The following PTGIS variants were observed in gnomAD, a reference collection of about 807,000 sequenced individuals.
PTGIS encodes prostacyclin synthase.
PTGIS carries 45 observed loss-of-function variants against 50.3 expected under a neutral mutation model. That is an observed-to-expected ratio of 0.90 (90% CI 0.70 to 1.15). The LOEUF is 1.15. Among genes scored for constraint, PTGIS ranks in the 50% most tolerant of loss-of-function variants. The probability of loss-of-function intolerance (pLI) is 0.00; values close to 1 mark genes in which losing one functional copy is unlikely to be tolerated. For synonymous variants in PTGIS, 260 were observed against 267.7 expected (o/e 0.97, Z 0.28); for missense variants, 668 against 661.3 (o/e 1.01, Z -0.11).
intron 6 of PTGIS, among the ~76,000 whole-genome samples, chr20:49,521,411 G>A (rs1163702332): frequency 2.0e-5 from 3 of 152,140 alleles, no homozygotes; most frequent in African/African-American, 7.2e-5. Context: ...CGCTGTCAAC[G>A]ACTCAACCTC....
intron 1 of PTGIS, among the ~76,000 whole-genome samples, chr20:49,561,946 C>G (rs187969444): frequency 3.9e-5 from 6 of 152,112 alleles, no homozygotes; most frequent in African/African-American, 1.4e-4. Flanking sequence ...ATTTAATGAA[C>G]GCTGATGGTG....
At chr20:49,509,749 T>C (rs1981257627) in intron 9 of PTGIS, among the ~76,000 whole-genome samples, 1 of 152,096 alleles carries the variant, frequency 6.6e-6, no homozygotes, top group East Asian at 1.9e-4. Flanking sequence ...TGTATAAAAC[T>C]TTACTACCAT....
At chr20:49,547,802 A>G (rs754504969) in intron 3 of PTGIS, 39 bp downstream of exon 3, 1 of 1,609,646 alleles carries the variant, frequency 6.2e-7, no homozygotes, top group Non-Finnish European at 8.5e-7. Context: ...TGAGTCGCCC[A>G]CCCTGGCCCT....
At chr20:49,562,268 A>T (rs1310436803) in intron 1 of PTGIS, among the ~76,000 whole-genome samples, 1 of 152,172 alleles carries the variant, frequency 6.6e-6, no homozygotes, top group Admixed American at 6.5e-5. Flanking sequence ...CTCCTAAAAC[A>T]TCTTTGCAGG....
chr20:49,557,199 G>A lies in PTGIS; in HGVS notation c.75-7010C>T, dbSNP rs1413238320. Among the ~76,000 whole-genome samples the A allele has an allele frequency of 4.6e-5, 7 of 152,080 alleles. No individual in the cohort carries two copies. The East Asian group carries it at 5.8e-4, about 13-fold the overall frequency. ...TTTCCTAACAATGTGGGACCTATTC[G>A]TCTAGAAATAAACCATCCTAGACAT... is the stretch of plus-strand genomic sequence containing the variant. On this transcript the variant is annotated intron_variant, in intron 1 of 9. Transcript: ENST00000244043.
intron 1 of PTGIS, among the ~76,000 whole-genome samples, chr20:49,565,909 C>T (rs1019897766): frequency 1.3e-5 from 2 of 152,178 alleles, no homozygotes; most frequent in African/African-American, 2.4e-5. Context: ...CCACTGTTGA[C>T]CCTTCCAAGG....
intron 5 of PTGIS, among the ~76,000 whole-genome samples, chr20:49,525,596 T>TA (rs772604371): frequency 2.6e-5 from 4 of 151,154 alleles, no homozygotes; most frequent in African/African-American, 9.7e-5. Context: ...TTTTTTTTTT[T>TA]AAAATATTTT....
chr20:49,520,094 C>A (rs1371661598), intron 6 of PTGIS, among the ~76,000 whole-genome samples: 1 of 152,214 alleles, frequency 6.6e-6, no homozygotes, highest in Non-Finnish European at 1.5e-5. Context: ...AGCCAAAGCC[C>A]TCCCCATGGC....
intron 1 of PTGIS, among the ~76,000 whole-genome samples, chr20:49,550,607 A>G (rs564176969): frequency 6.6e-6 from 1 of 152,262 alleles, no homozygotes; most frequent in South Asian, 2.1e-4. Flanking sequence ...CCTTTGACAA[A>G]TCTCCTGTTG....
In PTGIS at chr20:49,513,148, C is replaced by T; in HGVS notation, c.1138G>A (p.Gly380Ser). 6.2e-7 allele frequency: 1 copy of T among 1,614,114 alleles called. No homozygotes were observed. Among genetic ancestry groups the T allele is most frequent in the South Asian group, 1.1e-5 (1 of 91,078 alleles). The change falls in exon 8 of 10, where the codon GGT (glycine) becomes AGT (serine). Residue 380 changes from glycine (G) to serine (S), a missense_variant. Physicochemically the swap from Gly to Ser is moderately conservative, Grantham distance 56. Coordinates refer to ENST00000244043, the MANE Select transcript of PTGIS (RefSeq NM_000961.4). Reference protein sequence around the residue: ...ADGREFNLRRGDRLLLFPFLS... With the variant: ...ADGREFNLRRSDRLLLFPFLS... ...AAGGGGAAGAGGAGGAGGCGGTCAC[C>T]ACGTCGCAGGTTGAATTCTCGCCCG...
In PTGIS at chr20:49,531,022, G is replaced by A. The variant is rs147125054; in HGVS notation, c.674-6783C>T. On this transcript the variant is annotated intron_variant, in intron 5 of 9. Coordinates refer to ENST00000244043, the MANE Select transcript of PTGIS (RefSeq NM_000961.4). ...GATCTGCCCAACTCGGCCTCCCAAA[G>A]TGTTGGGATTACAGGTGTGAGCCAC... Among the ~76,000 whole-genome samples the A allele has an allele frequency of 4.4e-3, 672 of 152,264 alleles. 7 individuals are homozygous for A. The highest frequency in any genetic ancestry group is 0.017 in the Middle Eastern group (5 of 294).
At chr20:49,550,026 T>A in intron 2 of PTGIS, 40 bp downstream of exon 2, 1 of 1,613,998 alleles carries the variant, frequency 6.2e-7, no homozygotes, top group South Asian at 1.1e-5. Flanking sequence ...GAGGCCCAGC[T>A]GCTCATCCCC....
At chr20:49,521,250 G>A (rs1981644662) in intron 6 of PTGIS, among the ~76,000 whole-genome samples, 1 of 152,184 alleles carries the variant, frequency 6.6e-6, no homozygotes. Context: ...CAGAGGTTAA[G>A]TGACTGACTT....
intron 9 of PTGIS, among the ~76,000 whole-genome samples, chr20:49,510,448 G>A (rs189613590): frequency 6.6e-6 from 1 of 152,254 alleles, no homozygotes; most frequent in Admixed American, 6.5e-5. Flanking sequence ...CTGGGGTATA[G>A]TTATAATCAG....
At chr20:49,561,978 C>A (rs1311247319) in intron 1 of PTGIS, among the ~76,000 whole-genome samples, 1 of 152,214 alleles carries the variant, frequency 6.6e-6, no homozygotes, top group East Asian at 1.9e-4. Context: ...ACACTGAGGA[C>A]TTTATCCCAG....
chr20:49,522,338 C>T (rs1179810788), intron 6 of PTGIS, among the ~76,000 whole-genome samples: 1 of 152,066 alleles, frequency 6.6e-6, no homozygotes, highest in Admixed American at 6.5e-5. Context: ...TAGAGCAGAC[C>T]CGAAAGTCTC....
chr20:49,511,272 A>G (rs941137984), intron 8 of PTGIS, 93 bp from the exon 9 acceptor site: 40 of 1,484,352 alleles, frequency 2.7e-5, no homozygotes, highest in Admixed American at 3.5e-5. Flanking sequence ...AGTCATGTTT[A>G]TAAGAGGGAA....
At chr20:49,561,742 A>G (rs2122906733) in intron 1 of PTGIS, among the ~76,000 whole-genome samples, 1 of 152,306 alleles carries the variant, frequency 6.6e-6, no homozygotes, top group East Asian at 1.9e-4. Context: ...AATGGAAGCA[A>G]TAATGCTACT....
intron 5 of PTGIS, among the ~76,000 whole-genome samples, chr20:49,535,601 T>C (rs374286422): frequency 4.6e-5 from 7 of 152,264 alleles, no homozygotes; most frequent in African/African-American, 1.7e-4. Flanking sequence ...GTAACCTCTG[T>C]CTCACCAGGC....
Sources: gnomAD v4.1 joint callset for allele counts (sites outside exome capture counted in the v4.1 genomes callset) on GRCh38, gnomAD v4.1.1 for gene constraint, MANE v1.5 for transcripts, NCBI Gene and HGNC (gene_info 2026-07-23, HGNC 2026-07-21) for gene names.